Variants in SFXN5 observed in about 807,000 individuals in gnomAD.
The protein encoded by SFXN5 is sideroflexin-5.
SFXN5 carries 43 observed loss-of-function variants against 50.2 expected under a neutral mutation model. That is an observed-to-expected ratio of 0.86 (90% CI 0.67 to 1.11). The LOEUF is 1.11. SFXN5 is among the 50% of genes least tolerant of loss of function. The pLI, the probability that SFXN5 is intolerant of heterozygous loss-of-function variation, is 0.00. For missense variants in SFXN5, 463 were observed against 454.1 expected, an observed-to-expected ratio of 1.02 and a Z score of -0.18; for synonymous variants, 203 against 185.8, an observed-to-expected ratio of 1.09 and a Z score of -0.75.
intron 2 of SFXN5, among the ~76,000 whole-genome samples, chr2:73,042,061 T>G (rs558279776): frequency 1.3e-5 from 2 of 152,210 alleles, no homozygotes; most frequent in African/African-American, 4.8e-5. Flanking sequence ...CTGGCAGAGA[T>G]TAACCTACTA....
chr2:73,036,390 A>G (rs1025994227), intron 3 of SFXN5, among the ~76,000 whole-genome samples: 1 of 152,292 alleles, frequency 6.6e-6, no homozygotes, highest in African/African-American at 2.4e-5. Flanking sequence ...CTAGGGGGCC[A>G]TAGTGGCAGG....
chr2:73,056,217 T>C (rs969415211), intron 2 of SFXN5, among the ~76,000 whole-genome samples: 22 of 152,104 alleles, frequency 1.4e-4, no homozygotes, highest in Non-Finnish European at 3.2e-4. Context: ...TAAATACATA[T>C]AAAAAGTCCG....
intron 2 of SFXN5, among the ~76,000 whole-genome samples, chr2:73,043,049 C>A (rs905816070): frequency 1.3e-5 from 2 of 152,212 alleles, no homozygotes; most frequent in Non-Finnish European, 2.9e-5. Flanking sequence ...GCCTGGGCGA[C>A]AGAGTGAGCC....
rs1673105759 is a variant in SFXN5 at position 72,956,506 on chromosome 2, T to C, written c.945+4625A>G. Among the ~76,000 whole-genome samples, 3 of 152,162 alleles carry C rather than the reference T, an allele frequency of 2.0e-5. No homozygotes were observed. In the South Asian group the frequency reaches 6.2e-4, roughly 32 times the overall value. On this transcript the variant is annotated intron_variant, in intron 13 of 13. Coordinates refer to ENST00000272433, the MANE Select transcript of SFXN5 (RefSeq NM_144579.3). ...TGGAGCCCAGAAGTGGGCCTCCTCT[T>C]TCTATAGTGAGGTGTGGGTGGGCTG... is the stretch of plus-strand genomic sequence containing the variant.
At chr2:73,013,910 T>C (rs1020183852) in intron 6 of SFXN5, among the ~76,000 whole-genome samples, 15 of 152,142 alleles carry the variant, frequency 9.9e-5, no homozygotes, top group African/African-American at 2.7e-4. Context: ...GTGCTTATTG[T>C]TCCCATGGAT....
rs1671865003 is a variant in SFXN5, at chr2:72,945,750, T to G, written c.946-651A>C. Among the ~76,000 whole-genome samples the G allele has an allele frequency of 1.3e-5, 2 of 151,982 alleles. No individual in the cohort carries two copies. The highest frequency in any genetic ancestry group is 4.1e-4 in the South Asian group (2 of 4,820). ...ACCCCACCATGCACCCCACTCCTAC[T>G]TGAACCTGACCATGTAATGGAGACC... On this transcript the variant is annotated intron_variant, in intron 13 of 13. Coordinates refer to ENST00000272433, the MANE Select transcript of SFXN5 (RefSeq NM_144579.3). The surrounding 1 kb of genome is among the most constrained non-coding windows in gnomAD (Gnocchi z 5.8).
At position 72,944,887 on chromosome 2, in the gene SFXN5, G is replaced by T; in HGVS notation, c.*135C>A. The T allele has an allele frequency of 1.4e-6, 1 of 705,726 alleles. No individual in the cohort carries two copies. Among genetic ancestry groups the T allele is most frequent in the Non-Finnish European group, 2.4e-6 (1 of 412,722 alleles). 43.7% of individuals were successfully genotyped at this position (705,726 alleles called of 1,614,324 possible). ...ATGGGTCAGTCTCCCTCCACTGTAG[G>T]TTGAGCACTCTCCCAGGGGGCCCAG... On this transcript the variant is annotated 3_prime_UTR_variant, in exon 14 of 14. Transcript: ENST00000272433.
At chr2:73,047,346 T>C (rs1680633487) in intron 2 of SFXN5, among the ~76,000 whole-genome samples, 1 of 140,716 alleles carries the variant, frequency 7.1e-6, no homozygotes, top group Non-Finnish European at 1.5e-5. Context: ...TATATGTACA[T>C]ATATATGTGT....
At chr2:73,067,041 C>G (rs1683229411) in intron 1 of SFXN5, among the ~76,000 whole-genome samples, 1 of 141,258 alleles carries the variant, frequency 7.1e-6, no homozygotes, top group African/African-American at 3.0e-5. Context: ...AGACAGAAAC[C>G]CTGTCTCTAA....
At chr2:73,059,504 C>G in intron 1 of SFXN5, 2 of 985,314 alleles carry the variant, frequency 2.0e-6, no homozygotes, top group Non-Finnish European at 2.4e-6. Flanking sequence ...GACACCAGAC[C>G]CTGCAGCCAA....
Position 72,973,824 on chromosome 2 carries a change from C to T in SFXN5, c.626-2139G>A, listed in dbSNP as rs1320508071. Among the ~76,000 whole-genome samples the T allele has an allele frequency of 6.6e-6, 1 of 152,182 alleles. No homozygotes were observed. Among genetic ancestry groups the T allele is most frequent in the Non-Finnish European group, 1.5e-5 (1 of 68,030 alleles). On this transcript the variant is annotated intron_variant, in intron 10 of 13. Transcript: ENST00000272433. The surrounding 1 kb of genome is among the most constrained non-coding windows in gnomAD (Gnocchi z 5.5). The stretch of plus-strand genomic sequence containing the variant: ...TTAGGGAGGCTATGCATCCCCCATG[C>T]CCTTGGAGCTGCCAGGCTTTCGGTT...
chr2:73,007,905 T>C (rs1674926331), intron 6 of SFXN5, among the ~76,000 whole-genome samples: 1 of 152,184 alleles, frequency 6.6e-6, no homozygotes, highest in African/African-American at 2.4e-5. Context: ...AAATGAATGT[T>C]TACCCCAGAC....
At chr2:73,004,853 C>T (rs1674417896) in intron 6 of SFXN5, among the ~76,000 whole-genome samples, 1 of 152,216 alleles carries the variant, frequency 6.6e-6, no homozygotes, top group African/African-American at 2.4e-5. Flanking sequence ...GGAGCAAGAG[C>T]AGATATTTTA....
At chr2:72,952,242 A>G (rs1672613723) in intron 13 of SFXN5, among the ~76,000 whole-genome samples, 1 of 152,166 alleles carries the variant, frequency 6.6e-6, no homozygotes, top group African/African-American at 2.4e-5. Context: ...TTTGAGTCCT[A>G]AGTCCAGGCT....
intron 5 of SFXN5, among the ~76,000 whole-genome samples, chr2:73,020,495 T>A (rs1559163760): frequency 6.6e-6 from 1 of 151,980 alleles, no homozygotes; most frequent in South Asian, 2.1e-4. Context: ...CAGCTTTCAC[T>A]CTCCCCTGGA....
At chr2:72,982,201 A>T (rs1485154975) in intron 10 of SFXN5, among the ~76,000 whole-genome samples, 2 of 152,190 alleles carry the variant, frequency 1.3e-5, no homozygotes, top group African/African-American at 2.4e-5. Flanking sequence ...TATCCATTTT[A>T]TAGACGGGGC....
intron 13 of SFXN5, among the ~76,000 whole-genome samples, chr2:72,949,512 C>T (rs1263650732): frequency 6.6e-6 from 1 of 152,098 alleles, no homozygotes; most frequent in Non-Finnish European, 1.5e-5. Context: ...GACAGGGTCT[C>T]GCTATGTTGT....
At position 72,942,048 on chromosome 2, in the gene SFXN5, C is replaced by T. The variant is rs1394426546; in HGVS notation, c.*2974G>A. Reference sequence around the variant, plus strand: ...AACCACACCCTGATGCTTTAAATCCCGTATTTATTGCCCAAAGCTCATTAG... The same window carrying T: ...AACCACACCCTGATGCTTTAAATCCTGTATTTATTGCCCAAAGCTCATTAG... On this transcript the variant is annotated 3_prime_UTR_variant, in exon 14 of 14. Coordinates refer to ENST00000272433, the MANE Select transcript of SFXN5 (RefSeq NM_144579.3). 6.6e-6 allele frequency: 1 copy of T among 152,216 alleles called. No individual in the cohort carries two copies. The allele number at this position is 152,216 out of a possible 1,614,324, so 9.4% of individuals were successfully genotyped here.
At chr2:73,007,573 T>A (rs1412047481) in intron 6 of SFXN5, among the ~76,000 whole-genome samples, 1 of 152,150 alleles carries the variant, frequency 6.6e-6, no homozygotes, top group African/African-American at 2.4e-5. Flanking sequence ...GGAAAGTTTA[T>A]CTTCCTCGAG....
Sources: allele counts gnomAD v4.1 joint callset (sites outside exome capture counted in the v4.1 genomes callset), GRCh38; gene constraint gnomAD v4.1.1; non-coding constraint Gnocchi (gnomAD v3.1); transcripts MANE v1.5; gene names NCBI Gene and HGNC (gene_info 2026-07-23, HGNC 2026-07-21).